The following HDAC7 variants were observed in gnomAD, a reference collection of about 807,000 sequenced individuals.
HDAC7 encodes histone deacetylase 7, also known as histone deacetylase 7A.
In HDAC7, 26 loss-of-function variants were observed where a neutral mutation model predicts 115.5. The observed-to-expected ratio is 0.23, with a 90% confidence interval of 0.16 to 0.31. The LOEUF is 0.31. Among genes scored for constraint, HDAC7 ranks in the 10% least tolerant of loss-of-function variants. HDAC7 has a pLI of 1.00. For missense variants in HDAC7, 1,068 were observed against 1,329.0 expected (o/e 0.80, Z 3.05); for synonymous variants, 564 against 550.9 (o/e 1.02, Z -0.33).
chr12:47,800,814 T>C (rs988729382), intron 2 of HDAC7, among the ~76,000 whole-genome samples: 10 of 152,226 alleles, frequency 6.6e-5, no homozygotes, highest in African/African-American at 2.4e-4. Context: ...ACACTCTGCA[T>C]GGCCACTGCC....
At chr12:47,800,943 G>A (rs1337097488) in intron 2 of HDAC7, among the ~76,000 whole-genome samples, 1 of 152,182 alleles carries the variant, frequency 6.6e-6, no homozygotes, top group Non-Finnish European at 1.5e-5. Flanking sequence ...TCTCAACTTG[G>A]TCTGCATTTG....
chr12:47,800,414 T>G (rs1044056129), intron 2 of HDAC7, among the ~76,000 whole-genome samples: 4 of 152,190 alleles, frequency 2.6e-5, no homozygotes, highest in Admixed American at 1.3e-4. Context: ...ATTCCCTGAC[T>G]GTGACATGGA....
intron 1 of HDAC7, among the ~76,000 whole-genome samples, chr12:47,805,455 G>A (rs1944360071): frequency 6.6e-6 from 1 of 152,202 alleles, no homozygotes; most frequent in Non-Finnish European, 1.5e-5. Context: ...AGTGGCAGAA[G>A]GCCATAGTCC....
Position 47,795,407 on chromosome 12 carries a change from G to A in HDAC7, c.1088-27C>T. On this transcript the variant is annotated intron_variant, in intron 10 of 25. Transcript: ENST00000080059. The surrounding 1 kb of genome is among the most constrained non-coding windows in gnomAD (Gnocchi z 4.3). Reference sequence around the variant, plus strand: ...TGGAAAGAATCGGGGGGTGGAATAAGGAGGGAACCACAGGGAGCAATGGAA... The same window carrying A: ...TGGAAAGAATCGGGGGGTGGAATAAAGAGGGAACCACAGGGAGCAATGGAA... 2 of 1,557,254 alleles carry A rather than the reference G, an allele frequency of 1.3e-6. No individual in the cohort carries two copies. The highest frequency in any genetic ancestry group is 1.7e-6 in the Non-Finnish European group (2 of 1,148,190).
In HDAC7 at chr12:47,783,438, T is replaced by G; in HGVS notation, c.*403A>C. ...CAGCCTGTCTGAGGCCAAGTTCACA[T>G]TTCTGTGTGGAGCCTGAGGCTGTGT... On this transcript the variant is annotated 3_prime_UTR_variant, in exon 26 of 26. Coordinates refer to ENST00000080059, the MANE Select transcript of HDAC7 (RefSeq NM_015401.5). The G allele has an allele frequency of 1.8e-5, 4 of 226,892 alleles. No homozygotes were observed. Among genetic ancestry groups the G allele is most frequent in the Non-Finnish European group, 3.6e-5 (4 of 111,066 alleles). 14.1% of individuals were successfully genotyped at this position (226,892 alleles called of 1,614,324 possible).
At chr12:47,792,237 A>G (rs1655243460) in intron 13 of HDAC7, 1 of 563,696 alleles carries the variant, frequency 1.8e-6, no homozygotes, top group African/African-American at 1.9e-5. Flanking sequence ...CCAACACATC[A>G]ACACAGCTCC....
In HDAC7 at chr12:47,798,369, G is replaced by A; in HGVS notation, c.350-150C>T. On this transcript the variant is annotated intron_variant, in intron 4 of 25. Coordinates refer to ENST00000080059, the MANE Select transcript of HDAC7 (RefSeq NM_015401.5). This position sits in a 1 kb window ranked among gnomAD's most constrained non-coding sequence, Gnocchi z 4.3. ...AAGCCCGAGGCCCTACCCCTCCCTA[G>A]AGCCTCCAGACACCACCCCCCACCC... is the stretch of plus-strand genomic sequence containing the variant. 3.9e-6 allele frequency: 3 copies of A among 770,630 alleles called. No individual in the cohort carries two copies. Among genetic ancestry groups the A allele is most frequent in the Non-Finnish European group, 6.5e-6 (3 of 460,780 alleles). The allele number at this position is 770,630 out of a possible 1,614,324, so 47.7% of individuals were successfully genotyped here. A position where few individuals can be genotyped will look rare whatever the true frequency, so the allele number is the denominator to read the frequency against.
chr12:47,793,449 A>C lies in HDAC7; in HGVS notation c.1598T>G (p.Leu533Arg). ...CTGGCTGGCAGGCTCTGGGGCTGAC[A>C]GTGAGGCAGGTGCGGCTGGGGAAGA... ...AQSSPAAPAS[L>R]SAPEPASQAR... The change falls in exon 13 of 26, where the codon CTG (leucine) becomes CGG (arginine). Residue 533 changes from leucine (L) to arginine (R), a missense_variant. By Grantham distance (102) the Leu-to-Arg change is moderately radical (BLOSUM62 -2). Coordinates refer to ENST00000080059, the MANE Select transcript of HDAC7 (RefSeq NM_015401.5). This position sits in a 1 kb window ranked among gnomAD's most constrained non-coding sequence, Gnocchi z 4.5. 1 of 1,559,894 alleles carries C rather than the reference A, an allele frequency of 6.4e-7. No homozygotes were observed. The highest frequency in any genetic ancestry group is 8.7e-7 in the Non-Finnish European group (1 of 1,151,756).
upstream of HDAC7, chr12:47,820,125 C>A (rs1372443977): frequency 6.6e-6 from 1 of 151,026 alleles, no homozygotes; most frequent in Admixed American, 6.6e-5. The surrounding 1 kb of genome is among the most constrained non-coding windows in gnomAD (Gnocchi z 4.3). Flanking sequence ...CGGGGCGCGG[C>A]GCACTGCCGG....
intron 16 of HDAC7, 51 bp downstream of exon 16, chr12:47,791,208 G>A: frequency 6.7e-7 from 1 of 1,496,356 alleles, no homozygotes; most frequent in Non-Finnish European, 9.2e-7. Flanking sequence ...CCACAGGGAG[G>A]AGAGCTGAGA....
intron 1 of HDAC7, among the ~76,000 whole-genome samples, chr12:47,816,207 T>A (rs1257110156): frequency 5.3e-5 from 8 of 152,050 alleles, no homozygotes; most frequent in Non-Finnish European, 1.0e-4. Context: ...TCTTTATCTT[T>A]AACACATTCC....
intron 19 of HDAC7, 153 bp from the exon 20 acceptor site, chr12:47,788,317 C>T: frequency 3.6e-6 from 3 of 830,202 alleles, no homozygotes; most frequent in South Asian, 4.3e-5. Flanking sequence ...TCGAGTGGCC[C>T]CACGTAATCC....
At chr12:47,815,381 A>G (rs1944822286) in intron 1 of HDAC7, among the ~76,000 whole-genome samples, 1 of 152,202 alleles carries the variant, frequency 6.6e-6, no homozygotes, top group South Asian at 2.1e-4. Context: ...GACAGGTCTT[A>G]GAAGCCTTGA....
In HDAC7 at chr12:47,789,283, C is replaced by G. The variant is rs1211742793; in HGVS notation, c.2213G>C (p.Ser738Thr). 1.1e-5 allele frequency: 18 copies of G among 1,613,914 alleles called. No homozygotes were observed. In the Middle Eastern group the frequency reaches 8.2e-4, roughly 74 times the overall value. Reference sequence around the variant, plus strand: ...TACCCAGTCTACAATGAGGATCTTGCTGGCCTTGCTCTGCTGTTGCAGCTG... The same window carrying G: ...TACCCAGTCTACAATGAGGATCTTGGTGGCCTTGCTCTGCTGTTGCAGCTG... ...CRQLQQQSKA[S>T]KILIVDWDVH... The change falls in exon 19 of 26, where the codon AGC (serine) becomes ACC (threonine). Residue 738 changes from serine to threonine, a missense_variant. Physicochemically the swap from Ser to Thr is moderately conservative, Grantham distance 58 (BLOSUM62 1). This residue lies in a region of HDAC7 where 182 missense variants were observed against 301.1 expected (regional missense o/e 0.60). Transcript: ENST00000080059.
Position 47,797,449 on chromosome 12 carries a change from C to G in HDAC7, c.512G>C (p.Ser171Thr), listed in dbSNP as rs757478679. 2.5e-6 allele frequency: 4 copies of G among 1,614,120 alleles called. No homozygotes were observed. In the South Asian group the frequency reaches 4.4e-5, roughly 18 times the overall value. The change falls in exon 6 of 26, where the codon AGC (serine) becomes ACC (threonine). Residue 171 changes from serine (S) to threonine (T), a missense_variant. By Grantham distance (58) the Ser-to-Thr change is moderately conservative. Coordinates refer to ENST00000080059, the MANE Select transcript of HDAC7 (RefSeq NM_015401.5). The surrounding 1 kb of genome is among the most constrained non-coding windows in gnomAD (Gnocchi z 5.5). ...TEGATRSMLS[S>T]FLPPVPSLPS... ...CAGGCTGGGAACAGGAGGCAAAAAG[C>G]TGCTGAGCATGGAGCGGGTGGCTCC...
intron 15 of HDAC7, 23 bp from the exon 16 acceptor site, chr12:47,791,331 C>CG (rs1565800398): frequency 6.4e-7 from 1 of 1,559,912 alleles, no homozygotes; most frequent in Admixed American, 1.9e-5. Context: ...GCCCAGCCCA[C>CG]GTCAGCGTGA....
In HDAC7 at chr12:47,797,630, TG is replaced by T. The variant is rs1943928884; in HGVS notation, c.462-132del. On this transcript the variant is annotated intron_variant, in intron 5 of 25. Coordinates refer to ENST00000080059, the MANE Select transcript of HDAC7 (RefSeq NM_015401.5). The surrounding 1 kb of genome is among the most constrained non-coding windows in gnomAD (Gnocchi z 5.5). The stretch of plus-strand genomic sequence containing the variant: ...CTGGGCAATGTGGGGCTGGTAGGAA[TG>T]GGGACCATCTCCAGGTGGCAGCAGT... The T allele has an allele frequency of 4.6e-6, 3 of 650,370 alleles. No homozygotes were observed. The Admixed American group carries it at 8.8e-5, about 19-fold the overall frequency. The allele number at this position is 650,370 out of a possible 1,614,324, so 40.3% of individuals were successfully genotyped here.
Position 47,795,528 on chromosome 12 carries a change from C to G in HDAC7, c.1087+59G>C. On this transcript the variant is annotated intron_variant, in intron 10 of 25. Transcript: ENST00000080059. The surrounding 1 kb of genome is among the most constrained non-coding windows in gnomAD (Gnocchi z 4.3). ...GGAGGAAGGATGGGTCCATCCCAAG[C>G]TTGGCTCTTAGCAGGGTGCAGGGAC... The G allele has an allele frequency of 6.6e-7, 1 of 1,520,176 alleles. No individual in the cohort carries two copies. The highest frequency in any genetic ancestry group is 8.9e-7 in the Non-Finnish European group (1 of 1,124,214). 94.2% of individuals were successfully genotyped at this position (1,520,176 alleles called of 1,614,324 possible).
At chr12:47,796,930 G>A (rs755478672) in intron 7 of HDAC7, 87 bp downstream of exon 7, 3 of 1,428,084 alleles carry the variant, frequency 2.1e-6, no homozygotes, top group Non-Finnish European at 2.8e-6. Context: ...CTAAGGAGGG[G>A]ACCCCTGTCT....
Sources: allele counts gnomAD v4.1 joint callset (sites outside exome capture counted in the v4.1 genomes callset), GRCh38; gene constraint gnomAD v4.1.1; regional missense constraint gnomAD v4.1.1; non-coding constraint Gnocchi (gnomAD v3.1); transcripts MANE v1.5; gene names NCBI Gene and HGNC (gene_info 2026-07-23, HGNC 2026-07-21).